GNAT3: variants seen among roughly 807,000 people sequenced by gnomAD.
GNAT3 encodes the protein G protein subunit alpha transducin 3, also known as guanine nucleotide-binding protein G(t) subunit alpha-3.
In GNAT3, 31 loss-of-function variants were observed where a neutral mutation model predicts 37.7. That is an observed-to-expected ratio of 0.82 (90% CI 0.62 to 1.11). GNAT3 has a LOEUF of 1.11. GNAT3 is among the 50% of genes most tolerant of loss of function. The pLI, the probability that GNAT3 is intolerant of heterozygous loss-of-function variation, is 0.00. For synonymous variants in GNAT3, 138 were observed against 139.8 expected, an observed-to-expected ratio of 0.99 and a Z score of 0.09; for missense variants, 437 against 412.5, an observed-to-expected ratio of 1.06 and a Z score of -0.51.
At chr7:80,487,590 T>C (rs1457177216) in intron 3 of GNAT3, 3 of 152,166 alleles carry the variant, frequency 2.0e-5, no homozygotes, top group Admixed American at 2.0e-4. Flanking sequence ...CCAGTGGTCA[T>C]TTAAAAGGTC....
intron 4 of GNAT3, among the ~76,000 whole-genome samples, chr7:80,477,584 T>C (rs948382278): frequency 2.0e-5 from 3 of 152,184 alleles, no homozygotes; most frequent in Admixed American, 6.5e-5. Context: ...CTAGAGTTTA[T>C]ATAGCTTATT....
chr7:80,492,741 G>T (rs996475956), intron 2 of GNAT3, among the ~76,000 whole-genome samples: 2 of 151,166 alleles, frequency 1.3e-5, no homozygotes, highest in Admixed American at 6.6e-5. Context: ...GTATATTAAA[G>T]ATATTATTTT....
At chr7:80,496,468 C>G (rs1790718973) in intron 1 of GNAT3, among the ~76,000 whole-genome samples, 1 of 152,156 alleles carries the variant, frequency 6.6e-6, no homozygotes, top group African/African-American at 2.4e-5. Flanking sequence ...CTCACCCACT[C>G]AGTCTTCATT....
chr7:80,495,521 GTGC>G (rs1378454969), intron 1 of GNAT3, among the ~76,000 whole-genome samples: 3 of 151,860 alleles, frequency 2.0e-5, no homozygotes, highest in Non-Finnish European at 4.4e-5. Context: ...CCAGGCTGGA[GTGC>G]AGTGGCGTGA....
At chr7:80,461,543 C>G (rs1790050698) in intron 7 of GNAT3, among the ~76,000 whole-genome samples, 2 of 151,740 alleles carry the variant, frequency 1.3e-5, no homozygotes, top group African/African-American at 4.8e-5. Flanking sequence ...AAATATTTTT[C>G]TTATGTAATT....
intron 3 of GNAT3, among the ~76,000 whole-genome samples, chr7:80,480,716 G>C (rs937724421): frequency 2.0e-5 from 3 of 152,228 alleles, no homozygotes; most frequent in Admixed American, 2.0e-4. Context: ...TTTGTAAACT[G>C]TCATGGTGCT....
chr7:80,500,257 T>C (rs1330269234), intron 1 of GNAT3, among the ~76,000 whole-genome samples: 2 of 151,830 alleles, frequency 1.3e-5, no homozygotes, highest in Non-Finnish European at 1.5e-5. Context: ...TACACTCAGC[T>C]TGTGGTAATT....
At chr7:80,475,545 T>C (rs1270289785) in intron 4 of GNAT3, among the ~76,000 whole-genome samples, 2 of 152,012 alleles carry the variant, frequency 1.3e-5, no homozygotes, top group Non-Finnish European at 2.9e-5. Context: ...GAACCACATT[T>C]ATAGAAAGAT....
intron 1 of GNAT3, among the ~76,000 whole-genome samples, chr7:80,495,919 G>A (rs967676289): frequency 2.6e-5 from 4 of 152,028 alleles, no homozygotes; most frequent in Non-Finnish European, 4.4e-5. Context: ...TTCTCGTTGA[G>A]TTGTTTGAAT....
intron 2 of GNAT3, among the ~76,000 whole-genome samples, chr7:80,490,250 T>G (rs147292304): frequency 6.6e-6 from 1 of 152,268 alleles, no homozygotes; most frequent in Non-Finnish European, 1.5e-5. Flanking sequence ...AATTAAAAAT[T>G]TAGTTTCTCA....
Position 80,488,691 on chromosome 7 carries a change from T to C in GNAT3, c.162-15A>G. ...TATGGATGATCCTATAATTTAAACATGAAAAGTTTCTGTGAGTTGAATAAT... is the reference window on the plus strand; with the variant it reads ...TATGGATGATCCTATAATTTAAACACGAAAAGTTTCTGTGAGTTGAATAAT... On this transcript the variant is annotated splice_polypyrimidine_tract_variant and intron_variant, in intron 2 of 7. Transcript: ENST00000398291. 6.5e-7 allele frequency: 1 copy of C among 1,549,182 alleles called. No individual in the cohort carries two copies. Among genetic ancestry groups the C allele is most frequent in the East Asian group, 2.3e-5 (1 of 42,616 alleles).
intron 1 of GNAT3, among the ~76,000 whole-genome samples, chr7:80,505,921 T>G (rs958871266): frequency 6.6e-6 from 1 of 152,168 alleles, no homozygotes; most frequent in Admixed American, 6.5e-5. Flanking sequence ...TTGAAAGCAA[T>G]GGCAAAAACT....
chr7:80,488,522 T>G lies in GNAT3; in HGVS notation c.303+13A>C. ...ATTGCAGGACATACAGCTGTCATTA[T>G]TTGCATACTTACTGCACTTCTGGGA... On this transcript the variant is annotated intron_variant, in intron 3 of 7. Coordinates refer to ENST00000398291, the MANE Select transcript of GNAT3 (RefSeq NM_001102386.3). 6.3e-7 allele frequency: 1 copy of G among 1,595,650 alleles called. No homozygotes were observed. The highest frequency in any genetic ancestry group is 8.6e-7 in the Non-Finnish European group (1 of 1,168,972).
At chr7:80,464,842 T>C (rs1584167286) in intron 5 of GNAT3, among the ~76,000 whole-genome samples, 1 of 152,110 alleles carries the variant, frequency 6.6e-6, no homozygotes, top group African/African-American at 2.4e-5. Context: ...TAATGCAAAA[T>C]CACTCCATTA....
At chr7:80,495,572 T>C (rs10269846) in intron 1 of GNAT3, among the ~76,000 whole-genome samples, 22,333 of 151,692 alleles carry the variant, frequency 0.15, 2,180 homozygotes, top group African/African-American at 0.28. Flanking sequence ...TGGGTTCAAG[T>C]GATTCTCATG....
intron 5 of GNAT3, among the ~76,000 whole-genome samples, chr7:80,469,176 T>A (rs1314582642): frequency 6.6e-6 from 1 of 152,132 alleles, no homozygotes; most frequent in African/African-American, 2.4e-5. Context: ...AAAACCGTAG[T>A]TTCTTTTATA....
In GNAT3 at chr7:80,480,021, G is replaced by A. The variant is rs1340903083; in HGVS notation, c.304-1023C>T. Among the ~76,000 whole-genome samples, 4 of 152,056 alleles carry A rather than the reference G, an allele frequency of 2.6e-5. No homozygotes were observed. The South Asian group carries it at 6.2e-4, about 24-fold the overall frequency. ...GTTACCAGCAAAGAAGGAAATAGAA[G>A]TTTACTGAGTAAATACTATAGTCTG... On this transcript the variant is annotated intron_variant, in intron 3 of 7. Coordinates refer to ENST00000398291, the MANE Select transcript of GNAT3 (RefSeq NM_001102386.3).
rs563109339 is a variant in GNAT3, at chr7:80,478,885, G to A, written c.417C>T (p.Cys139=). The change falls in exon 4 of 8, where the codon TGC becomes TGT. Residue 139 remains cysteine (C), a synonymous_variant. Coordinates refer to ENST00000398291, the MANE Select transcript of GNAT3 (RefSeq NM_001102386.3). ...GCTGATATTCAGATGCCCTTTCAAA[G>A]CAGGCCTGAATTCCTGGATCTCTCC... is the stretch of plus-strand genomic sequence containing the variant. ...RLWRDPGIQA[C]FERASEYQLN... 79 of 1,613,302 alleles carry A rather than the reference G, an allele frequency of 4.9e-5. 1 individual carries two copies. The South Asian group carries it at 8.3e-4, about 17-fold the overall frequency.
chr7:80,501,147 T>C (rs1384015057), intron 1 of GNAT3, among the ~76,000 whole-genome samples: 1 of 152,108 alleles, frequency 6.6e-6, no homozygotes, highest in Non-Finnish European at 1.5e-5. Context: ...GCAGATAAAT[T>C]TGTACATTTT....
Sources: allele counts gnomAD v4.1 joint callset (sites outside exome capture counted in the v4.1 genomes callset), GRCh38; gene constraint gnomAD v4.1.1; transcripts MANE v1.5; gene names NCBI Gene and HGNC (gene_info 2026-07-23, HGNC 2026-07-21).